The following RALY variants were observed in gnomAD, a reference collection of about 807,000 sequenced individuals.
RALY encodes RNA-binding protein Raly.
Under a neutral mutation model 30.7 loss-of-function variants are expected in RALY, and 15 were observed. That is an observed-to-expected ratio of 0.49 (90% CI 0.33 to 0.75). RALY has a LOEUF of 0.75. Among genes scored for constraint, RALY ranks in the 30% least tolerant of loss-of-function variants. The pLI is 0.02. For synonymous variants in RALY, 177 were observed against 170.8 expected (o/e 1.04, Z -0.28); for missense variants, 339 against 414.3 (o/e 0.82, Z 1.58).
At chr20:34,015,333 C>G (rs2031562230) in intron 1 of RALY, among the ~76,000 whole-genome samples, 2 of 151,782 alleles carry the variant, frequency 1.3e-5, no homozygotes, top group Non-Finnish European at 2.9e-5. Context: ...CAATATTTCC[C>G]CCTTTTTTTT....
intron 4 of RALY, 47 bp from the exon 5 acceptor site, chr20:34,073,772 T>A (rs906973718): frequency 6.2e-7 from 1 of 1,600,208 alleles, no homozygotes; most frequent in African/African-American, 1.3e-5. Flanking sequence ...GAAAGTGGGC[T>A]GAGTGGCCGT....
chr20:34,069,452 T>C (rs190497134), intron 2 of RALY, among the ~76,000 whole-genome samples: 1 of 152,236 alleles, frequency 6.6e-6, no homozygotes, highest in Admixed American at 6.5e-5. Flanking sequence ...AGGTCACTCT[T>C]TGTATCTCTA....
At chr20:34,071,489 G>A (rs1487302133) in intron 2 of RALY, among the ~76,000 whole-genome samples, 1 of 151,946 alleles carries the variant, frequency 6.6e-6, no homozygotes, top group Non-Finnish European at 1.5e-5. Context: ...ATGTTGGCCA[G>A]GCTGGTTTCG....
At chr20:34,079,432 T>A (rs1270991981) in intron 9 of RALY, among the ~76,000 whole-genome samples, 1 of 152,192 alleles carries the variant, frequency 6.6e-6, no homozygotes, top group Non-Finnish European at 1.5e-5. Flanking sequence ...ACCCATTCCC[T>A]TGGGGTGGCT....
rs549889149 is a variant in RALY, at chr20:34,080,890, A to G, written c.*985A>G. The G allele has an allele frequency of 6.6e-6, 1 of 152,356 alleles. No individual in the cohort carries two copies. Among genetic ancestry groups the G allele is most frequent in the African/African-American group, 2.4e-5 (1 of 41,546 alleles). 9.4% of individuals were successfully genotyped at this position (152,356 alleles called of 1,614,324 possible). A position where few individuals can be genotyped will look rare whatever the true frequency, so the allele number is the denominator to read the frequency against. ...CACACAAGTTCTTCACACTCCGGGC[A>G]GGTTTGGTAGCAAGGAATAGAGCGT... is the stretch of plus-strand genomic sequence containing the variant. On this transcript the variant is annotated 3_prime_UTR_variant, in exon 10 of 10. Coordinates refer to ENST00000246194, the MANE Select transcript of RALY (RefSeq NM_016732.3).
Position 34,082,346 on chromosome 20 carries a change from G to A in RALY, c.*2441G>A, listed in dbSNP as rs989138238. 1 of 152,194 alleles carries A rather than the reference G, an allele frequency of 6.6e-6. No individual in the cohort carries two copies. The highest frequency in any genetic ancestry group is 1.5e-5 in the Non-Finnish European group (1 of 68,056). The allele number at this position is 152,194 out of a possible 1,614,324, so 9.4% of individuals were successfully genotyped here. A position where few individuals can be genotyped will look rare whatever the true frequency, so the allele number is the denominator to read the frequency against. ...CAAAGAATGGGATTTAGAGCTGAAT[G>A]AACCTCACACTGAGGGCACAATAGC... is the stretch of plus-strand genomic sequence containing the variant. On this transcript the variant is annotated 3_prime_UTR_variant, in exon 10 of 10. Coordinates refer to ENST00000246194, the MANE Select transcript of RALY (RefSeq NM_016732.3).
At chr20:34,066,839 C>G (rs1393188715) in intron 2 of RALY, among the ~76,000 whole-genome samples, 1 of 152,148 alleles carries the variant, frequency 6.6e-6, no homozygotes, top group Non-Finnish European at 1.5e-5. Flanking sequence ...GAGGCACATT[C>G]ATACCATAAG....
rs1392022281 is a variant in RALY at position 34,082,657 on chromosome 20, G to A, written c.*2752G>A. ...ACAGGGAGAACGAGAGTCCCATCCT[G>A]GAACTCCAGAAAAGCCCCTGGATGC... On this transcript the variant is annotated 3_prime_UTR_variant, in exon 10 of 10. Coordinates refer to ENST00000246194, the MANE Select transcript of RALY (RefSeq NM_016732.3). 1 of 152,318 alleles carries A rather than the reference G, an allele frequency of 6.6e-6. No individual in the cohort carries two copies. Among genetic ancestry groups the A allele is most frequent in the African/African-American group, 2.4e-5 (1 of 41,442 alleles). The allele number at this position is 152,318 out of a possible 1,614,324, so 9.4% of individuals were successfully genotyped here. A position where few individuals can be genotyped will look rare whatever the true frequency, so the allele number is the denominator to read the frequency against.
Position 34,084,041 on chromosome 20 carries a change from T to C in RALY, c.*4136T>C, listed in dbSNP as rs964727269. On this transcript the variant is annotated 3_prime_UTR_variant, in exon 10 of 10. Coordinates refer to ENST00000246194, the MANE Select transcript of RALY (RefSeq NM_016732.3). The stretch of plus-strand genomic sequence containing the variant: ...CACCCTCAGTAGGTGTAGTAAGGAC[T>C]TCTGGTTACAAGTTACAGAAACTGA... The C allele has an allele frequency of 6.6e-6, 1 of 152,258 alleles. No homozygotes were observed. The highest frequency in any genetic ancestry group is 1.5e-5 in the Non-Finnish European group (1 of 68,054). 9.4% of individuals were successfully genotyped at this position (152,258 alleles called of 1,614,324 possible).
rs754710810 is a variant in RALY, at chr20:34,077,261, G to A, written c.876+16G>A. 9.9e-6 allele frequency: 16 copies of A among 1,613,230 alleles called. No individual in the cohort carries two copies. In the African/African-American group the frequency reaches 1.7e-4, roughly 17 times the overall value. On this transcript the variant is annotated intron_variant, in intron 8 of 9. Transcript: ENST00000246194. ...GGAAGAGCTGGTGAGGGCCTGGCCA[G>A]GGGCACGACTGGGACTCGACTGTGC...
chr20:34,078,895 G>A (rs1401286309), intron 9 of RALY, among the ~76,000 whole-genome samples: 1 of 152,204 alleles, frequency 6.6e-6, no homozygotes, highest in Admixed American at 6.5e-5. Context: ...GTGTGAGCAG[G>A]ATAACAATAG....
intron 1 of RALY, among the ~76,000 whole-genome samples, chr20:34,028,765 C>T (rs1730319292): frequency 7.2e-6 from 1 of 139,616 alleles, no homozygotes. Context: ...GAAAAGGGTT[C>T]AGGATTACGT....
intron 1 of RALY, among the ~76,000 whole-genome samples, chr20:34,014,811 G>T (rs1226918943): frequency 6.6e-6 from 1 of 152,122 alleles, no homozygotes; most frequent in South Asian, 2.1e-4. Context: ...CATGGTATTG[G>T]TTGTTAACCT....
intron 1 of RALY, among the ~76,000 whole-genome samples, chr20:33,995,213 T>C (rs2030554168): frequency 6.6e-6 from 1 of 152,224 alleles, no homozygotes; most frequent in Non-Finnish European, 1.5e-5. Flanking sequence ...GATGAATTCC[T>C]TGCTAGTGTT....
chr20:34,076,236 C>A, intron 6 of RALY, 196 bp downstream of exon 6: 1 of 705,418 alleles, frequency 1.4e-6, no homozygotes, highest in Non-Finnish European at 2.3e-6. Context: ...GTGTTGGGCA[C>A]AGAGAGTCCA....
chr20:34,057,260 G>T (rs942712038), intron 2 of RALY, among the ~76,000 whole-genome samples: 4 of 152,148 alleles, frequency 2.6e-5, no homozygotes, highest in Admixed American at 2.6e-4. Flanking sequence ...CATGCTAACA[G>T]TTATGTCCCA....
chr20:34,053,042 C>T (rs1044330000), intron 2 of RALY, among the ~76,000 whole-genome samples: 1 of 146,222 alleles, frequency 6.8e-6, no homozygotes, highest in Non-Finnish European at 1.5e-5. Context: ...TAAAAAGAAA[C>T]TTTTTTTTTT....
chr20:34,062,662 G>C (rs1470524640), intron 2 of RALY, among the ~76,000 whole-genome samples: 1 of 152,242 alleles, frequency 6.6e-6, no homozygotes, highest in African/African-American at 2.4e-5. Context: ...CTTCCAACTT[G>C]TAATGGATGG....
At position 34,020,281 on chromosome 20, in the gene RALY, G is replaced by A. The variant is rs945271267; in HGVS notation, c.-92-11241G>A. On this transcript the variant is annotated intron_variant, in intron 1 of 9. Coordinates refer to ENST00000246194, the MANE Select transcript of RALY (RefSeq NM_016732.3). ...AGGATTAACTCCCATGGGGGTGAGG[G>A]GAGGAATCATTGGCAAAGACTTCTC... 2.6e-5 allele frequency among the ~76,000 whole-genome samples: 4 copies of A among 152,182 alleles called. No homozygotes were observed. The East Asian group carries it at 7.7e-4, about 29-fold the overall frequency.
Sources: gnomAD v4.1 joint callset for allele counts (sites outside exome capture counted in the v4.1 genomes callset) on GRCh38, gnomAD v4.1.1 for gene constraint, MANE v1.5 for transcripts, NCBI Gene and HGNC (gene_info 2026-07-23, HGNC 2026-07-21) for gene names.